Variants in BTBD8 observed in about 807,000 individuals in gnomAD.
BTBD8 encodes BTB domain containing 8.
Under a neutral mutation model 162.9 loss-of-function variants are expected in BTBD8, and 110 were observed. The observed-to-expected ratio is 0.68, with a 90% CI of 0.58 to 0.79. The LOEUF is 0.79. Ranked by LOEUF, BTBD8 falls within the 30% of genes least tolerant of loss-of-function variation. The probability of loss-of-function intolerance (pLI) is 0.00; values close to 1 mark genes in which losing one functional copy is unlikely to be tolerated. For synonymous variants in BTBD8, 667 were observed against 716.1 expected (o/e 0.93, Z 1.10); for missense variants, 1,905 against 2,085.4 (o/e 0.91, Z 1.68).
chr1:92,144,175 T>C (rs1649850079), intron 7 of BTBD8, among the ~76,000 whole-genome samples: 1 of 151,614 alleles, frequency 6.6e-6, no homozygotes, highest in Non-Finnish European at 1.5e-5. Context: ...GGTTTTATCA[T>C]GTTGGTCAGG....
intron 1 of BTBD8, among the ~76,000 whole-genome samples, chr1:92,085,660 G>T (rs564234648): frequency 6.6e-6 from 1 of 152,290 alleles, no homozygotes; most frequent in Admixed American, 6.5e-5. Flanking sequence ...AACCCAGGAG[G>T]TAGAGGTTGC....
chr1:92,135,475 C>A (rs546033467), intron 5 of BTBD8, among the ~76,000 whole-genome samples: 1 of 152,068 alleles, frequency 6.6e-6, no homozygotes, highest in Non-Finnish European at 1.5e-5. Flanking sequence ...ATCGGTTTTT[C>A]TTTTTTCTGA....
chr1:92,102,748 CA>C, intron 3 of BTBD8, 79 bp downstream of exon 3: 1 of 1,219,114 alleles, frequency 8.2e-7, no homozygotes, highest in Non-Finnish European at 1.1e-6. Flanking sequence ...AAGCATACTT[CA>C]AAAATATGCT....
At chr1:92,130,109 T>G (rs1649474216) in intron 5 of BTBD8, among the ~76,000 whole-genome samples, 2 of 152,204 alleles carry the variant, frequency 1.3e-5, no homozygotes, top group South Asian at 4.1e-4. Flanking sequence ...TGGGTTGCAT[T>G]CTGCCGCCTT....
intron 4 of BTBD8, chr1:92,114,875 G>T: frequency 3.0e-6 from 1 of 329,846 alleles, no homozygotes; most frequent in Admixed American, 3.2e-5. Context: ...GTCATGCTGG[G>T]AAATGAGCTT....
intron 9 of BTBD8, among the ~76,000 whole-genome samples, chr1:92,154,502 T>C (rs549067917): frequency 6.6e-6 from 1 of 152,314 alleles, no homozygotes; most frequent in African/African-American, 2.4e-5. Context: ...TGACATCCTA[T>C]TGTGGTTTTA....
chr1:92,161,025 T>G (rs1234936182), intron 9 of BTBD8, among the ~76,000 whole-genome samples: 1 of 152,142 alleles, frequency 6.6e-6, no homozygotes, highest in Non-Finnish European at 1.5e-5. Flanking sequence ...ATCTTATGGT[T>G]TTCTTCCCAG....
chr1:92,126,975 G>A (rs1010139952), intron 4 of BTBD8, among the ~76,000 whole-genome samples: 3 of 152,142 alleles, frequency 2.0e-5, no homozygotes. Flanking sequence ...AATTAAACTA[G>A]TTTAACAGTG....
At chr1:92,163,432 T>C (rs1442766163) in intron 9 of BTBD8, among the ~76,000 whole-genome samples, 1 of 110,422 alleles carries the variant, frequency 9.1e-6, no homozygotes, top group Non-Finnish European at 1.9e-5. Context: ...TTGTATAAAA[T>C]AAGAAAATTA....
intron 1 of BTBD8, among the ~76,000 whole-genome samples, chr1:92,083,271 A>T (rs1318160205): frequency 6.6e-6 from 1 of 152,140 alleles, no homozygotes; most frequent in Non-Finnish European, 1.5e-5. Flanking sequence ...CAGTAAACTG[A>T]TCTTCCAGTT....
At chr1:92,169,396 T>C (rs1179127519) in intron 12 of BTBD8, among the ~76,000 whole-genome samples, 2 of 152,190 alleles carry the variant, frequency 1.3e-5, no homozygotes, top group African/African-American at 4.8e-5. Context: ...TAAGACACCC[T>C]TTCTTGTGGT....
chr1:92,168,047 A>T lies in BTBD8; in HGVS notation c.1443+62A>T, dbSNP rs1270172194. On this transcript the variant is annotated intron_variant, in intron 11 of 17. Transcript: ENST00000636805. ...TATTTGAACTAAGATTTTTAGATGT[A>T]TGTGCATTTTAAATGTTGCAGGGTC... 3 of 1,424,964 alleles carry T rather than the reference A, an allele frequency of 2.1e-6. No homozygotes were observed. In the African/African-American group the frequency reaches 4.3e-5, roughly 20 times the overall value. 88.3% of individuals were successfully genotyped at this position (1,424,964 alleles called of 1,614,324 possible).
At chr1:92,108,126 G>C (rs1648783680) in intron 4 of BTBD8, 125 bp downstream of exon 4, 1 of 858,742 alleles carries the variant, frequency 1.2e-6, no homozygotes, top group African/African-American at 1.7e-5. Flanking sequence ...GTTCCATGAA[G>C]GCCAAAGGGG....
chr1:92,105,078 A>G (rs1194018107), intron 3 of BTBD8, among the ~76,000 whole-genome samples: 2 of 151,750 alleles, frequency 1.3e-5, no homozygotes, highest in African/African-American at 4.8e-5. Flanking sequence ...AACTACAGGC[A>G]CCTGCCACCA....
At chr1:92,109,855 C>A (rs564421030) in intron 4 of BTBD8, among the ~76,000 whole-genome samples, 1 of 152,104 alleles carries the variant, frequency 6.6e-6, no homozygotes, top group African/African-American at 2.4e-5. Flanking sequence ...GGCTAAAAAT[C>A]CTTTTGTAAT....
chr1:92,182,024 G>T lies in BTBD8; in HGVS notation c.4341G>T (p.Glu1447Asp). 1 of 1,551,452 alleles carries T rather than the reference G, an allele frequency of 6.4e-7. No individual in the cohort carries two copies. The highest frequency in any genetic ancestry group is 8.7e-7 in the Non-Finnish European group (1 of 1,146,852). Residue 1447 changes from glutamate to aspartate, a missense_variant, in exon 17 of 18, where the codon GAG becomes GAT. Physicochemically the swap from Glu to Asp is conservative, Grantham distance 45. Around this residue, in one of 3 missense-constraint regions of BTBD8, gnomAD observed 517 missense variants for 606.6 expected, o/e 0.85. Transcript: ENST00000636805. ...SVLLSVDECE[E>D]LGSDEGEVHT... ...TACTTTCAGTCGATGAATGTGAAGA[G>T]CTGGGATCAGATGAAGGAGAAGTCC...
At chr1:92,156,876 A>G (rs1424445001) in intron 9 of BTBD8, among the ~76,000 whole-genome samples, 1 of 152,022 alleles carries the variant, frequency 6.6e-6, no homozygotes, top group East Asian at 1.9e-4. Flanking sequence ...TTATCTTTTC[A>G]AAAAAGCAAC....
rs1218345135 is a variant in BTBD8 at position 92,181,345 on chromosome 1, C to T, written c.3662C>T (p.Pro1221Leu). 3 of 1,551,572 alleles carry T rather than the reference C, an allele frequency of 1.9e-6. No homozygotes were observed. The highest frequency in any genetic ancestry group is 2.6e-6 in the Non-Finnish European group (3 of 1,146,950). ...SPKNMETSES[P>L]ESHETPETPF... ...AAAAATATGGAAACATCAGAATCTC[C>T]AGAGAGCCATGAAACTCCAGAAACT... Residue 1221 changes from proline (P) to leucine (L), a missense_variant, in exon 17 of 18, where the codon CCA becomes CTA. By Grantham distance (98) the Pro-to-Leu change is moderately conservative (BLOSUM62 -3). Coordinates refer to ENST00000636805, the MANE Select transcript of BTBD8 (RefSeq NM_001376131.1).
Position 92,168,928 on chromosome 1 carries a change from C to A in BTBD8, c.1506C>A (p.Phe502Leu). ...TGTGGATCTTCCTGGTTCAGTCTTT[C>A]TATGCTGTTCGTCACACAGAAAGCT... ...DKLWIFLVQS[F>L]YAVRHTESWK... The change falls in exon 12 of 18, where the codon TTC becomes TTA. Residue 502 changes from phenylalanine (F) to leucine (L), a missense_variant. This residue lies in a region of BTBD8 where 1,374 missense variants were observed against 1,442.7 expected (regional missense o/e 0.95). Coordinates refer to ENST00000636805, the MANE Select transcript of BTBD8 (RefSeq NM_001376131.1). 6.5e-7 allele frequency: 1 copy of A among 1,544,086 alleles called. No individual in the cohort carries two copies. Among genetic ancestry groups the A allele is most frequent in the Non-Finnish European group, 8.8e-7 (1 of 1,141,328 alleles).
Sources: allele counts gnomAD v4.1 joint callset (sites outside exome capture counted in the v4.1 genomes callset), GRCh38; gene constraint gnomAD v4.1.1; regional missense constraint gnomAD v4.1.1; transcripts MANE v1.5; gene names NCBI Gene and HGNC (gene_info 2026-07-23, HGNC 2026-07-21).